PSMF1: variants seen among roughly 807,000 people sequenced by gnomAD.
PSMF1 encodes proteasome inhibitor PI31 subunit.
PSMF1 carries 30 observed loss-of-function variants against 29.3 expected under a neutral mutation model. The ratio of observed to expected loss-of-function variants is 1.02; its 90% CI spans 0.77 to 1.39. The LOEUF (loss-of-function observed/expected upper bound fraction) is 1.39. Among genes scored for constraint, PSMF1 ranks in the 40% most tolerant of loss-of-function variants. The pLI, the probability that PSMF1 is intolerant of heterozygous loss-of-function variation, is 0.00. For missense variants in PSMF1, 344 were observed against 357.5 expected (o/e 0.96, Z 0.31); for synonymous variants, 134 against 139.7 (o/e 0.96, Z 0.29).
intron 4 of PSMF1, among the ~76,000 whole-genome samples, chr20:1,138,977 A>G (rs2086345644): frequency 6.6e-6 from 1 of 152,202 alleles, no homozygotes; most frequent in Admixed American, 6.5e-5. Context: ...GGAGTTCAAG[A>G]TCAGCCTGGC....
Position 1,165,384 on chromosome 20 carries a change from A to T in PSMF1, c.*304A>T. 7.7e-7 allele frequency: 1 copy of T among 1,295,280 alleles called. No individual in the cohort carries two copies. The highest frequency in any genetic ancestry group is 2.1e-5 in the South Asian group (1 of 46,564). 80.2% of individuals were successfully genotyped at this position (1,295,280 alleles called of 1,614,324 possible). A position where few individuals can be genotyped will look rare whatever the true frequency, so the allele number is the denominator to read the frequency against. ...ACTCCGGCAACCTTCAGCAACATATATCCTCGACCAGATGCAGTGCTATAA... is the reference window on the plus strand; with the variant it reads ...ACTCCGGCAACCTTCAGCAACATATTTCCTCGACCAGATGCAGTGCTATAA... On this transcript the variant is annotated 3_prime_UTR_variant, in exon 7 of 7. Transcript: ENST00000335877.
At position 1,170,214 on chromosome 20, in the gene PSMF1, G is replaced by A. The variant is rs1200970750; in HGVS notation, c.*5134G>A. On this transcript the variant is annotated 3_prime_UTR_variant, in exon 7 of 7. Transcript: ENST00000335877. ...AAGCCCCACCCCAGACATTGAATGA[G>A]AATCTGCATTTTAACAAGTTCTCCA... 1.3e-5 allele frequency among the ~76,000 whole-genome samples: 2 copies of A among 152,188 alleles called. No homozygotes were observed. The highest frequency in any genetic ancestry group is 1.9e-4 in the East Asian group (1 of 5,192).
upstream of PSMF1, among the ~76,000 whole-genome samples, chr20:1,116,539 T>C (rs1448663232): frequency 1.3e-5 from 2 of 152,192 alleles, no homozygotes. Context: ...TGATGGACTA[T>C]AAAGAGGTAA....
At chr20:1,113,347 C>T (rs751682869) in exon 1 of PSMF1, 2 of 152,354 alleles carry the variant, frequency 1.3e-5, no homozygotes, top group Non-Finnish European at 2.9e-5. Flanking sequence ...GCACCTGCCA[C>T]CTGCTTCCCT....
intron 2 of PSMF1, among the ~76,000 whole-genome samples, chr20:1,126,342 G>GT (rs1438590698): frequency 6.6e-6 from 1 of 152,058 alleles, no homozygotes; most frequent in Non-Finnish European, 1.5e-5. Flanking sequence ...GTATCCTGCT[G>GT]TATGTATTAT....
At chr20:1,140,774 A>G (rs549379228) in intron 4 of PSMF1, among the ~76,000 whole-genome samples, 28 of 152,366 alleles carry the variant, frequency 1.8e-4, no homozygotes, top group African/African-American at 6.0e-4. Context: ...AGAAAACTCA[A>G]TTTTAAAATG....
At chr20:1,125,354 A>G in intron 1 of PSMF1, 144 bp from the exon 2 acceptor site, 1 of 846,578 alleles carries the variant, frequency 1.2e-6, no homozygotes, top group Non-Finnish European at 1.7e-6. Flanking sequence ...CTCTCGCTGT[A>G]GGATCTTGGG....
In PSMF1 at chr20:1,165,408, A is replaced by C. The variant is rs2086717239; in HGVS notation, c.*328A>C. On this transcript the variant is annotated 3_prime_UTR_variant, in exon 7 of 7. Transcript: ENST00000335877. ...TATCCTCGACCAGATGCAGTGCTAT[A>C]AGAACAGAACGCATTTTGGATGTTA... is the stretch of plus-strand genomic sequence containing the variant. 2 of 1,207,452 alleles carry C rather than the reference A, an allele frequency of 1.7e-6. No individual in the cohort carries two copies. The highest frequency in any genetic ancestry group is 2.1e-6 in the Non-Finnish European group (2 of 967,802). 74.8% of individuals were successfully genotyped at this position (1,207,452 alleles called of 1,614,324 possible).
In PSMF1 at chr20:1,165,273, A is replaced by G. The variant is rs2086715050; in HGVS notation, c.*193A>G. The G allele has an allele frequency of 7.0e-7, 1 of 1,422,722 alleles. No homozygotes were observed. Among genetic ancestry groups the G allele is most frequent in the Non-Finnish European group, 9.2e-7 (1 of 1,091,826 alleles). 88.1% of individuals were successfully genotyped at this position (1,422,722 alleles called of 1,614,324 possible). A position where few individuals can be genotyped will look rare whatever the true frequency, so the allele number is the denominator to read the frequency against. On this transcript the variant is annotated 3_prime_UTR_variant, in exon 7 of 7. Coordinates refer to ENST00000335877, the MANE Select transcript of PSMF1 (RefSeq NM_006814.5). ...GCTGCAGCTCTCCACCTAGCTGCAG[A>G]TAGCTCCCAAAGAGAAATCAGTGTG...
At chr20:1,143,221 TAGA>T (rs1472328450) in intron 4 of PSMF1, among the ~76,000 whole-genome samples, 1 of 152,140 alleles carries the variant, frequency 6.6e-6, no homozygotes, top group Admixed American at 6.5e-5. Context: ...AAGAATAAAG[TAGA>T]AGAAATCATT....
At chr20:1,157,568 A>C (rs2086609268) in intron 4 of PSMF1, among the ~76,000 whole-genome samples, 1 of 135,816 alleles carries the variant, frequency 7.4e-6, no homozygotes, top group African/African-American at 2.9e-5. Context: ...AAAGGAAATA[A>C]AATGAAGATG....
At chr20:1,145,535 G>T (rs1340593315) in intron 4 of PSMF1, among the ~76,000 whole-genome samples, 1 of 152,194 alleles carries the variant, frequency 6.6e-6, no homozygotes, top group Non-Finnish European at 1.5e-5. Flanking sequence ...AGCCTGTCCT[G>T]TGCAGAGCCC....
At chr20:1,137,390 C>G (rs2086320547) in intron 4 of PSMF1, among the ~76,000 whole-genome samples, 1 of 152,104 alleles carries the variant, frequency 6.6e-6, no homozygotes, top group African/African-American at 2.4e-5. Context: ...GCATCTGAAC[C>G]CATTGGTTAA....
At chr20:1,152,291 C>T (rs575478251) in intron 4 of PSMF1, among the ~76,000 whole-genome samples, 8 of 152,144 alleles carry the variant, frequency 5.3e-5, no homozygotes, top group Non-Finnish European at 8.8e-5. Context: ...CTTGACTTGC[C>T]CAAAGCAACA....
chr20:1,138,172 C>T (rs2086331889), intron 4 of PSMF1, among the ~76,000 whole-genome samples: 1 of 152,096 alleles, frequency 6.6e-6, no homozygotes, highest in African/African-American at 2.4e-5. Flanking sequence ...ATAACCAGTA[C>T]CAAAGACATG....
intron 4 of PSMF1, among the ~76,000 whole-genome samples, chr20:1,143,003 A>G (rs1429197997): frequency 1.3e-5 from 2 of 152,254 alleles, no homozygotes; most frequent in African/African-American, 2.4e-5. Context: ...AAATCAAAGA[A>G]GATCTAAATA....
chr20:1,133,569 A>ATATATATATTTTTTTTTT, intron 3 of PSMF1, among the ~76,000 whole-genome samples: 2 of 53,288 alleles, frequency 3.8e-5, no homozygotes, highest in African/African-American at 1.1e-4. Flanking sequence ...ATATATATAT[A>ATATATATATTTTTTTTTT]TTTTTTTTTT....
intron 4 of PSMF1, among the ~76,000 whole-genome samples, chr20:1,145,460 C>T (rs2086438127): frequency 6.6e-6 from 1 of 152,118 alleles, no homozygotes; most frequent in African/African-American, 2.4e-5. Flanking sequence ...AAGCAGGCTC[C>T]TAAAGAATAA....
Position 1,152,029 on chromosome 20 carries a change from A to G in PSMF1, c.552-11101A>G, listed in dbSNP as rs538907648. ...ATCCATGGGGTGATGGGAGCCATCAATGTTTTGAAAAGTTACGTGGTTGGG... is the reference window on the plus strand; with the variant it reads ...ATCCATGGGGTGATGGGAGCCATCAGTGTTTTGAAAAGTTACGTGGTTGGG... On this transcript the variant is annotated intron_variant, in intron 4 of 6. Transcript: ENST00000335877. Among the ~76,000 whole-genome samples the G allele has an allele frequency of 9.9e-5, 15 of 152,246 alleles. No homozygotes were observed. In the East Asian group the frequency reaches 1.7e-3, roughly 18 times the overall value.
Sources: allele counts gnomAD v4.1 joint callset (sites outside exome capture counted in the v4.1 genomes callset), GRCh38; gene constraint gnomAD v4.1.1; transcripts MANE v1.5; gene names NCBI Gene and HGNC (gene_info 2026-07-23, HGNC 2026-07-21).